The following ZEB1 variants were observed in gnomAD, a reference collection of about 807,000 sequenced individuals.
ZEB1 encodes the protein zinc finger E-box-binding homeobox 1.
ZEB1 carries 21 observed loss-of-function variants against 84.9 expected under a neutral mutation model. That is an observed-to-expected ratio of 0.25 (90% CI 0.18 to 0.36). ZEB1 has a LOEUF of 0.36. Among genes scored for constraint, ZEB1 ranks in the 10% least tolerant of loss-of-function variants. ZEB1 has a pLI of 1.00. For synonymous variants in ZEB1, 420 were observed against 471.1 expected (o/e 0.89, Z 1.41); for missense variants, 1,104 against 1,330.2 (o/e 0.83, Z 2.65).
chr10:31,481,464 A>T (rs1299123973), intron 2 of ZEB1, among the ~76,000 whole-genome samples: 1 of 152,052 alleles, frequency 6.6e-6, no homozygotes, highest in African/African-American at 2.4e-5. Flanking sequence ...AGGGCAGGGA[A>T]AATGGAAGAT....
At chr10:31,415,276 A>G (rs750067333) in intron 1 of ZEB1, among the ~76,000 whole-genome samples, 14 of 152,130 alleles carry the variant, frequency 9.2e-5, no homozygotes, top group African/African-American at 1.7e-4. Flanking sequence ...TTTACTGTCT[A>G]CATTAAGCAA....
Position 31,527,872 on chromosome 10 carries a change from T to G in ZEB1, c.*608T>G, listed in dbSNP as rs2073771334. 1 of 153,294 alleles carries G rather than the reference T, an allele frequency of 6.5e-6. No individual in the cohort carries two copies. The highest frequency in any genetic ancestry group is 1.5e-5 in the Non-Finnish European group (1 of 68,566). 9.5% of individuals were successfully genotyped at this position (153,294 alleles called of 1,614,324 possible). On this transcript the variant is annotated 3_prime_UTR_variant, in exon 9 of 9. Transcript: ENST00000424869. ...TAGTAATTTCTAATATTTAGATGTC[T>G]TAGTAGAGCGTATTATCATTTAAAG...
intron 1 of ZEB1, among the ~76,000 whole-genome samples, chr10:31,350,923 A>G (rs1056343966): frequency 6.6e-6 from 1 of 152,214 alleles, no homozygotes; most frequent in African/African-American, 2.4e-5. Context: ...TCTCTGATAA[A>G]TTGTTAGAGT....
At chr10:31,364,456 A>C (rs2044057032) in intron 1 of ZEB1, among the ~76,000 whole-genome samples, 1 of 152,124 alleles carries the variant, frequency 6.6e-6, no homozygotes, top group Non-Finnish European at 1.5e-5. Flanking sequence ...CCCAGGTTAC[A>C]GGGCCAGAAC....
chr10:31,419,132 T>G (rs2055715845), intron 1 of ZEB1, among the ~76,000 whole-genome samples: 1 of 152,064 alleles, frequency 6.6e-6, no homozygotes, highest in African/African-American at 2.4e-5. Context: ...AACTATAAGC[T>G]GTGAGATAAA....
chr10:31,518,789 G>A (rs2071683088), intron 6 of ZEB1, among the ~76,000 whole-genome samples: 1 of 152,066 alleles, frequency 6.6e-6, no homozygotes, highest in South Asian at 2.1e-4. Flanking sequence ...ATTAGCTGGT[G>A]TCAAGAATGA....
chr10:31,475,296 T>G (rs1457138808), intron 2 of ZEB1, among the ~76,000 whole-genome samples: 2 of 151,660 alleles, frequency 1.3e-5, no homozygotes, highest in Non-Finnish European at 2.9e-5. Flanking sequence ...AATACAGGAT[T>G]ATGTAAAGCT....
Position 31,363,505 on chromosome 10 carries a change from C to G in ZEB1, c.58+44213C>G, listed in dbSNP as rs774794554. The stretch of plus-strand genomic sequence containing the variant: ...GGGCCTAGAGGTGGAGGCTGCTTCC[C>G]CATTGCTACAGGGGCCCCTTTTATT... On this transcript the variant is annotated intron_variant, in intron 1 of 8. Transcript: ENST00000424869. 58 of 1,530,406 alleles carry G rather than the reference C, an allele frequency of 3.8e-5. No homozygotes were observed. The East Asian group carries it at 1.1e-3, about 28-fold the overall frequency. 94.8% of individuals were successfully genotyped at this position (1,530,406 alleles called of 1,614,324 possible). A position where few individuals can be genotyped will look rare whatever the true frequency, so the allele number is the denominator to read the frequency against.
intron 1 of ZEB1, among the ~76,000 whole-genome samples, chr10:31,395,463 C>CCT (rs2050544777): frequency 6.6e-6 from 1 of 152,146 alleles, no homozygotes; most frequent in Admixed American, 6.5e-5. Flanking sequence ...TATGGTCTTT[C>CCT]CTTTAGCACA....
chr10:31,495,751 A>G (rs2139014838), intron 2 of ZEB1, 25 bp from the exon 3 acceptor site: 1 of 1,612,030 alleles, frequency 6.2e-7, no homozygotes, highest in Middle Eastern at 1.7e-4. Flanking sequence ...CTATAGATCT[A>G]TTTTAATTTC....
chr10:31,468,165 C>G (rs1223786873), intron 2 of ZEB1, among the ~76,000 whole-genome samples: 3 of 152,198 alleles, frequency 2.0e-5, no homozygotes, highest in Admixed American at 6.5e-5. Context: ...CTCAGAGAGC[C>G]TGATCACGGG....
chr10:31,515,879 T>A lies in ZEB1; in HGVS notation c.793+1171T>A, dbSNP rs142387981. Among the ~76,000 whole-genome samples, 897 of 152,212 alleles carry A rather than the reference T, an allele frequency of 5.9e-3. 5 individuals are homozygous for A. Among genetic ancestry groups the A allele is most frequent in the Non-Finnish European group, 0.011 (743 of 67,956 alleles). On this transcript the variant is annotated intron_variant, in intron 6 of 8. Coordinates refer to ENST00000424869, the MANE Select transcript of ZEB1 (RefSeq NM_001174096.2). ...TAATATATTTTAACAACCTACCTTC[T>A]TACCAGAGATGATTTAAAGTTGTTA...
chr10:31,466,447 G>A (rs977641046), intron 2 of ZEB1, among the ~76,000 whole-genome samples: 3 of 152,118 alleles, frequency 2.0e-5, no homozygotes, highest in African/African-American at 2.4e-5. Context: ...CCATAAATCC[G>A]TAACAGGAGG....
intron 1 of ZEB1, among the ~76,000 whole-genome samples, chr10:31,458,312 CGT>C (rs775810348): frequency 0.01 from 1,280 of 122,780 alleles, 12 homozygotes; most frequent in Non-Finnish European, 0.013. Context: ...ATCTCCATTC[CGT>C]GTGTGTGTGT....
rs765231011 is a variant in ZEB1, at chr10:31,521,335, C to T, written c.2003C>T (p.Ala668Val). 3 of 1,614,094 alleles carry T rather than the reference C, an allele frequency of 1.9e-6. No homozygotes were observed. Among genetic ancestry groups the T allele is most frequent in the South Asian group, 2.2e-5 (2 of 91,086 alleles). Residue 668 changes from alanine (A) to valine (V), a missense_variant, in exon 7 of 9, where the codon GCA becomes GTA. Transcript: ENST00000424869. ...KNNDQPQSAN[A>V]NEPQDSTVNL... ...AATGATCAGCCTCAATCTGCAAATG[C>T]AAATGAACCCCAGGACAGCACAGTA...
At chr10:31,390,857 G>T (rs150948250) in intron 1 of ZEB1, among the ~76,000 whole-genome samples, 171 of 152,196 alleles carry the variant, frequency 1.1e-3, no homozygotes, top group African/African-American at 3.9e-3. Context: ...ACATCTTTCC[G>T]TTTTCATTCT....
intron 1 of ZEB1, among the ~76,000 whole-genome samples, chr10:31,362,462 C>T (rs540857752): frequency 1.3e-5 from 2 of 151,674 alleles, no homozygotes; most frequent in African/African-American, 2.4e-5. Flanking sequence ...TGGGCAGAGG[C>T]GCTCCTCACT....
intron 2 of ZEB1, among the ~76,000 whole-genome samples, chr10:31,473,731 A>G (rs376176787): frequency 1.0e-4 from 15 of 150,410 alleles, no homozygotes; most frequent in African/African-American, 2.5e-4. Flanking sequence ...TATGGAACCA[A>G]AAAAGAGCCT....
At chr10:31,445,778 G>A (rs2059681929) in intron 1 of ZEB1, among the ~76,000 whole-genome samples, 1 of 97,736 alleles carries the variant, frequency 1.0e-5, no homozygotes, top group Non-Finnish European at 2.0e-5. Flanking sequence ...ACTTGATCAT[G>A]GTGGATAAGC....
Sources: gnomAD v4.1 joint callset for allele counts (sites outside exome capture counted in the v4.1 genomes callset) on GRCh38, gnomAD v4.1.1 for gene constraint, MANE v1.5 for transcripts, NCBI Gene and HGNC (gene_info 2026-07-23, HGNC 2026-07-21) for gene names.